Variants in DNAJC5B observed in about 807,000 individuals in gnomAD.
The protein encoded by DNAJC5B is dnaJ homolog subfamily C member 5B.
In DNAJC5B, 23 loss-of-function variants were observed where a neutral mutation model predicts 24.7. The ratio of observed to expected loss-of-function variants is 0.93; its 90% CI spans 0.67 to 1.32. DNAJC5B has a LOEUF of 1.32. Among genes scored for constraint, DNAJC5B ranks in the 40% most tolerant of loss-of-function variants. The pLI is 0.00. For synonymous variants in DNAJC5B, 101 were observed against 90.1 expected, an observed-to-expected ratio of 1.12 and a Z score of -0.68; for missense variants, 238 against 240.8, an observed-to-expected ratio of 0.99 and a Z score of 0.08.
intron 3 of DNAJC5B, among the ~76,000 whole-genome samples, chr8:66,058,450 G>T (rs1160745716): frequency 6.6e-6 from 1 of 152,210 alleles, no homozygotes; most frequent in African/African-American, 2.4e-5. Context: ...GACCCAGCCA[G>T]ATCAGATGCC....
intron 1 of DNAJC5B, among the ~76,000 whole-genome samples, chr8:66,030,221 G>A (rs1256020777): frequency 1.3e-5 from 2 of 152,120 alleles, no homozygotes; most frequent in African/African-American, 4.8e-5. Flanking sequence ...CTCCTTGATG[G>A]CTATTTAATG....
intron 5 of DNAJC5B, among the ~76,000 whole-genome samples, chr8:66,092,598 C>T (rs913568557): frequency 6.6e-6 from 1 of 152,114 alleles, no homozygotes; most frequent in Non-Finnish European, 1.5e-5. Flanking sequence ...TTACCATCAC[C>T]TTTAGAGCTC....
chr8:66,032,363 C>G (rs752471326), intron 1 of DNAJC5B, among the ~76,000 whole-genome samples: 1 of 152,236 alleles, frequency 6.6e-6, no homozygotes, highest in African/African-American at 2.4e-5. Flanking sequence ...AGAAGGCTCC[C>G]CTTTCCTTTG....
At chr8:66,085,307 G>T (rs1197807019) in intron 5 of DNAJC5B, among the ~76,000 whole-genome samples, 1 of 152,164 alleles carries the variant, frequency 6.6e-6, no homozygotes, top group African/African-American at 2.4e-5. Context: ...GGGCATGGTG[G>T]CAGGTGCCTG....
At chr8:66,062,566 C>A (rs1178274466) in intron 3 of DNAJC5B, among the ~76,000 whole-genome samples, 1 of 152,212 alleles carries the variant, frequency 6.6e-6, no homozygotes, top group Admixed American at 6.5e-5. Flanking sequence ...CAAAGTGAGG[C>A]TGACTGGTTT....
At chr8:66,044,692 A>G (rs1289063342) in intron 2 of DNAJC5B, among the ~76,000 whole-genome samples, 8 of 152,288 alleles carry the variant, frequency 5.3e-5, no homozygotes, top group African/African-American at 1.9e-4. Context: ...TGTAATATTA[A>G]TGGCTTTGTC....
intron 4 of DNAJC5B, among the ~76,000 whole-genome samples, chr8:66,078,947 T>G (rs2128964304): frequency 6.6e-6 from 1 of 152,282 alleles, no homozygotes; most frequent in African/African-American, 2.4e-5. Flanking sequence ...GTCCTCTTTG[T>G]CCCTCTTGCT....
At chr8:66,063,639 T>C (rs1295813821) in intron 3 of DNAJC5B, among the ~76,000 whole-genome samples, 1 of 152,214 alleles carries the variant, frequency 6.6e-6, no homozygotes, top group African/African-American at 2.4e-5. Flanking sequence ...CTCTTAGTTC[T>C]TCATGCAGTG....
chr8:66,066,694 G>T (rs946931579), intron 3 of DNAJC5B, among the ~76,000 whole-genome samples: 2 of 152,066 alleles, frequency 1.3e-5, no homozygotes, highest in African/African-American at 2.4e-5. Flanking sequence ...GGCATACAGG[G>T]TGACATAAGG....
At chr8:66,080,578 G>A in intron 5 of DNAJC5B, 30 bp downstream of exon 5, 1 of 1,554,788 alleles carries the variant, frequency 6.4e-7, no homozygotes, top group African/African-American at 1.4e-5. Flanking sequence ...GAGGTAGTGA[G>A]TGTCCATTCA....
intron 1 of DNAJC5B, among the ~76,000 whole-genome samples, chr8:66,031,045 G>A (rs1806350571): frequency 6.6e-6 from 1 of 152,188 alleles, no homozygotes; most frequent in African/African-American, 2.4e-5. Flanking sequence ...AGTTGCAGAA[G>A]CAATCATTGA....
chr8:66,033,125 A>G (rs1806395850), intron 1 of DNAJC5B, among the ~76,000 whole-genome samples: 1 of 152,186 alleles, frequency 6.6e-6, no homozygotes, highest in Non-Finnish European at 1.5e-5. Context: ...CACAGACATC[A>G]GTTCTTATGG....
At chr8:66,081,993 T>C (rs1334692196) in intron 5 of DNAJC5B, among the ~76,000 whole-genome samples, 1 of 152,152 alleles carries the variant, frequency 6.6e-6, no homozygotes, top group African/African-American at 2.4e-5. Flanking sequence ...AGGAGTAATG[T>C]ATGCATGGAA....
chr8:66,022,333 T>C (rs529330576), intron 1 of DNAJC5B, among the ~76,000 whole-genome samples: 16 of 152,318 alleles, frequency 1.1e-4, no homozygotes, highest in African/African-American at 3.8e-4. Flanking sequence ...TGAGAGGCTC[T>C]GAGTGACGGC....
chr8:66,062,681 G>A (rs1346730699), intron 3 of DNAJC5B, among the ~76,000 whole-genome samples: 1 of 152,200 alleles, frequency 6.6e-6, no homozygotes, highest in African/African-American at 2.4e-5. Flanking sequence ...TTGGAGTGAG[G>A]CTGGCTGTGG....
intron 1 of DNAJC5B, among the ~76,000 whole-genome samples, chr8:66,024,532 T>C (rs1301519533): frequency 2.4e-5 from 3 of 123,932 alleles, no homozygotes; most frequent in East Asian, 4.3e-4. Context: ...CCCACTAACG[T>C]GTCATCTAGC....
chr8:66,088,005 C>T (rs1807766246), intron 5 of DNAJC5B, among the ~76,000 whole-genome samples: 1 of 152,220 alleles, frequency 6.6e-6, no homozygotes, highest in South Asian at 2.1e-4. Context: ...GGGCTCCAAA[C>T]CCATATTTCC....
chr8:66,017,712 C>T (rs1354204515), upstream of DNAJC5B, among the ~76,000 whole-genome samples: 1 of 152,174 alleles, frequency 6.6e-6, no homozygotes, highest in African/African-American at 2.4e-5. Context: ...CAGTGGGTCA[C>T]TGAAATCAAA....
chr8:66,076,732 C>T lies in DNAJC5B; in HGVS notation c.192C>T (p.Ile64=), dbSNP rs745616711. The T allele has an allele frequency of 1.2e-6, 2 of 1,614,122 alleles. No individual in the cohort carries two copies. Among genetic ancestry groups the T allele is most frequent in the Non-Finnish European group, 1.7e-6 (2 of 1,180,022 alleles). ...DPAATEKFKE[I]NNAHAILTDI... ...CTGCTACTGAGAAGTTTAAAGAAATCAACAACGCCCACGCAATACTTACCG... is the reference window on the plus strand; with the variant it reads ...CTGCTACTGAGAAGTTTAAAGAAATTAACAACGCCCACGCAATACTTACCG... Residue 64 remains isoleucine (I), a synonymous_variant, in exon 4 of 6, where the codon ATC becomes ATT. Coordinates refer to ENST00000276570, the MANE Select transcript of DNAJC5B (RefSeq NM_033105.6).
Sources: allele counts gnomAD v4.1 joint callset (sites outside exome capture counted in the v4.1 genomes callset), GRCh38; gene constraint gnomAD v4.1.1; transcripts MANE v1.5; gene names NCBI Gene and HGNC (gene_info 2026-07-23, HGNC 2026-07-21).